The following DIXDC1 variants were observed in gnomAD, a reference collection of about 807,000 sequenced individuals.
DIXDC1 encodes the protein DIX domain containing 1.
Under a neutral mutation model 103.1 loss-of-function variants are expected in DIXDC1, and 64 were observed. The observed-to-expected ratio is 0.62, with a 90% CI of 0.51 to 0.76. The LOEUF (loss-of-function observed/expected upper bound fraction) is 0.76. Ranked by LOEUF, DIXDC1 falls within the 30% of genes least tolerant of loss-of-function variation. The pLI is 0.00. For synonymous variants in DIXDC1, 266 were observed against 298.5 expected (o/e 0.89, Z 1.12); for missense variants, 759 against 834.2 (o/e 0.91, Z 1.11).
chr11:111,937,504 T>C lies in DIXDC1; in HGVS notation c.5T>C (p.Leu2Pro). 6.3e-7 allele frequency: 1 copy of C among 1,589,828 alleles called. No individual in the cohort carries two copies. Among genetic ancestry groups the C allele is most frequent in the Non-Finnish European group, 8.6e-7 (1 of 1,168,608 alleles). The stretch of plus-strand genomic sequence containing the variant: ...GGGGAGCCCCCAGCAGGAACAATGC[T>C]AGCCTGCCTGACCCGAGGGAACTTA... M[L>P]ACLTRGNLLD... The change falls in exon 1 of 20, where the codon CTA (leucine) becomes CCA (proline). Residue 2 changes from leucine (L) to proline (P), a missense_variant. Around this residue, in one of 3 missense-constraint regions of DIXDC1, gnomAD observed 97 missense variants for 85.4 expected, o/e 1.14. Coordinates refer to ENST00000440460, the MANE Select transcript of DIXDC1 (RefSeq NM_001037954.4).
rs932142395 is a variant in DIXDC1 at position 111,974,492 on chromosome 11, G to A, written c.548+238G>A. 2.6e-5 allele frequency: 14 copies of A among 533,150 alleles called. No homozygotes were observed. The Admixed American group carries it at 5.1e-4, about 20-fold the overall frequency. 33.0% of individuals were successfully genotyped at this position (533,150 alleles called of 1,614,324 possible). ...AATCTTATGTGTAAGTTTTTGCTCT[G>A]GTGCCCAAAATTTAAATATACACTT... On this transcript the variant is annotated intron_variant, in intron 4 of 19. Coordinates refer to ENST00000440460, the MANE Select transcript of DIXDC1 (RefSeq NM_001037954.4).
In DIXDC1 at chr11:111,975,024, G is replaced by A. The variant is rs782197210; in HGVS notation, c.656+41G>A. On this transcript the variant is annotated intron_variant, in intron 5 of 19. Coordinates refer to ENST00000440460, the MANE Select transcript of DIXDC1 (RefSeq NM_001037954.4). ...GAAACCTGAATTCTGGAGGATTCTC[G>A]GAGTTCTCGGCTTCAAGTAACAATA... 1.1e-5 allele frequency: 18 copies of A among 1,579,364 alleles called. No homozygotes were observed. The South Asian group carries it at 1.2e-4, about 10-fold the overall frequency.
At chr11:112,013,716 C>T (rs1350783928) in intron 17 of DIXDC1, among the ~76,000 whole-genome samples, 4 of 152,164 alleles carry the variant, frequency 2.6e-5, no homozygotes, top group Non-Finnish European at 5.9e-5. Context: ...GGCTCCAGGG[C>T]TACATCTTTC....
chr11:111,971,647 C>T (rs946539103), intron 3 of DIXDC1, among the ~76,000 whole-genome samples: 5 of 152,136 alleles, frequency 3.3e-5, no homozygotes, highest in African/African-American at 7.2e-5. Context: ...TTCATTGCAG[C>T]GCCATTCACA....
intron 1 of DIXDC1, 51 bp downstream of exon 1, chr11:111,937,610 C>A: frequency 6.5e-7 from 1 of 1,538,300 alleles, no homozygotes; most frequent in Non-Finnish European, 8.8e-7. Flanking sequence ...CAGCGTCTCC[C>A]GCCCAGTCTC....
At chr11:111,953,872 T>C (rs1966860335) in intron 1 of DIXDC1, among the ~76,000 whole-genome samples, 1 of 152,206 alleles carries the variant, frequency 6.6e-6, no homozygotes, top group African/African-American at 2.4e-5. Context: ...TCTGTATCCA[T>C]GGCTTCAGCA....
rs371636063 is a variant in DIXDC1, at chr11:111,995,067, C to A, written c.1486C>A (p.Pro496Thr). The part of the protein sequence containing the change: ...HNSQSNGFLL[P>T]TAGKGATSVS... Reference sequence around the variant, plus strand: ...CTCTCAAAGCAATGGTTTTCTCCTTCCAACGGCAGGAAAAGGAGCTACTTC... The same window carrying A: ...CTCTCAAAGCAATGGTTTTCTCCTTACAACGGCAGGAAAAGGAGCTACTTC... The change falls in exon 15 of 20, where the codon CCA becomes ACA. Residue 496 changes from proline (P) to threonine (T), a missense_variant. By Grantham distance (38) the Pro-to-Thr change is conservative. This residue lies in a region of DIXDC1 where 657 missense variants were observed against 727.5 expected (regional missense o/e 0.90). Coordinates refer to ENST00000440460, the MANE Select transcript of DIXDC1 (RefSeq NM_001037954.4). The A allele has an allele frequency of 4.9e-5, 79 of 1,613,702 alleles. No homozygotes were observed. Among genetic ancestry groups the A allele is most frequent in the Non-Finnish European group, 6.1e-5 (72 of 1,179,908 alleles).
chr11:111,968,927 A>G (rs782637355), intron 3 of DIXDC1, among the ~76,000 whole-genome samples: 3 of 151,904 alleles, frequency 2.0e-5, no homozygotes, highest in Non-Finnish European at 4.4e-5. Context: ...GGCATGTGCC[A>G]CCATGCCTGG....
chr11:112,012,826 T>C (rs1861465424), intron 17 of DIXDC1, among the ~76,000 whole-genome samples: 1 of 152,220 alleles, frequency 6.6e-6, no homozygotes, highest in Admixed American at 6.5e-5. Flanking sequence ...GCAATCCAAC[T>C]CATTCTTCAT....
chr11:111,961,984 G>A (rs1859593723), intron 1 of DIXDC1, among the ~76,000 whole-genome samples: 1 of 152,102 alleles, frequency 6.6e-6, no homozygotes, highest in Admixed American at 6.5e-5. Flanking sequence ...TACTCTGTTA[G>A]CACCCTATGT....
upstream of DIXDC1, among the ~76,000 whole-genome samples, chr11:111,936,658 CCTTT>C (rs1313537891): frequency 1.3e-5 from 2 of 152,132 alleles, no homozygotes; most frequent in African/African-American, 4.8e-5. Flanking sequence ...CTCTTTTCCC[CCTTT>C]CTTCCTCTGC....
chr11:111,979,371 A>G (rs1860224138), intron 5 of DIXDC1, among the ~76,000 whole-genome samples: 1 of 152,158 alleles, frequency 6.6e-6, no homozygotes, highest in Admixed American at 6.5e-5. Context: ...CTTCAGGGGC[A>G]CATTAAGTGG....
intron 10 of DIXDC1, among the ~76,000 whole-genome samples, chr11:111,990,350 C>CT (rs782300707): frequency 2.6e-5 from 4 of 151,988 alleles, no homozygotes; most frequent in Non-Finnish European, 5.9e-5. Flanking sequence ...CTCGGCCTCT[C>CT]TAAGTGCTGG....
chr11:111,983,934 T>C (rs933148392), intron 7 of DIXDC1, among the ~76,000 whole-genome samples: 2 of 152,230 alleles, frequency 1.3e-5, no homozygotes, highest in South Asian at 2.1e-4. Flanking sequence ...TTCTGACTTA[T>C]TAGTATTCCT....
intron 1 of DIXDC1, among the ~76,000 whole-genome samples, chr11:111,948,361 T>C (rs1292278739): frequency 6.6e-6 from 1 of 152,242 alleles, no homozygotes; most frequent in Non-Finnish European, 1.5e-5. Flanking sequence ...TTAAGGCTTA[T>C]CCACTGTCTC....
At position 111,972,861 on chromosome 11, in the gene DIXDC1, C is replaced by A. The variant is rs587617025; in HGVS notation, c.317-1162C>A. 8.6e-5 allele frequency among the ~76,000 whole-genome samples: 13 copies of A among 151,740 alleles called. No homozygotes were observed. In the South Asian group the frequency reaches 1.0e-3, roughly 12 times the overall value. ...GTCACTTGAGGTCAGGAGTTCAAGACCAGCGTGGCCAACATGGTGAAACCC... is the reference window on the plus strand; with the variant it reads ...GTCACTTGAGGTCAGGAGTTCAAGAACAGCGTGGCCAACATGGTGAAACCC... On this transcript the variant is annotated intron_variant, in intron 3 of 19. Coordinates refer to ENST00000440460, the MANE Select transcript of DIXDC1 (RefSeq NM_001037954.4).
chr11:111,932,956 T>C (rs1047830575), upstream of DIXDC1, among the ~76,000 whole-genome samples: 1 of 152,236 alleles, frequency 6.6e-6, no homozygotes, highest in Non-Finnish European at 1.5e-5. Context: ...ATCTATTTAA[T>C]GGATGTTTAA....
rs1555172351 is a variant in DIXDC1, at chr11:111,974,088, C to G, written c.382C>G (p.Pro128Ala). ...LVLALAAHFK[P>A]GSSRTVNQGR... ...CCTTGCCTTGGCAGCTCATTTCAAA[C>G]CTGGCTCCAGCAGGACGGTGAACCA... Residue 128 changes from proline to alanine, a missense_variant, in exon 4 of 20, where the codon CCT (proline) becomes GCT (alanine). By Grantham distance (27) the Pro-to-Ala change is conservative (BLOSUM62 -1). Transcript: ENST00000440460. 1.2e-6 allele frequency: 2 copies of G among 1,614,032 alleles called. No homozygotes were observed. The highest frequency in any genetic ancestry group is 1.1e-5 in the South Asian group (1 of 91,082).
chr11:111,932,573 C>T (rs1250598438), upstream of DIXDC1, among the ~76,000 whole-genome samples: 7 of 143,388 alleles, frequency 4.9e-5, no homozygotes, highest in East Asian at 2.0e-4. Context: ...GCGACAGAAG[C>T]GAGACTCCGT....
Sources: gnomAD v4.1 joint callset for allele counts (sites outside exome capture counted in the v4.1 genomes callset) on GRCh38, gnomAD v4.1.1 for gene constraint, gnomAD v4.1.1 regional missense constraint, MANE v1.5 for transcripts, NCBI Gene and HGNC (gene_info 2026-07-23, HGNC 2026-07-21) for gene names.